ZNF654: variants seen among roughly 807,000 people sequenced by gnomAD.
The protein encoded by ZNF654 is melanoma-associated antigen.
A neutral mutation model predicts 95.3 loss-of-function variants in ZNF654; 19 were observed. That is an observed-to-expected ratio of 0.20 (90% CI 0.14 to 0.29). The LOEUF (loss-of-function observed/expected upper bound fraction) is 0.29, where lower values mean the gene tolerates loss of function less well. Among genes scored for constraint, ZNF654 ranks in the 10% least tolerant of loss-of-function variants. The pLI is 1.00. For synonymous variants in ZNF654, 413 were observed against 457.9 expected (o/e 0.90, Z 1.25); for missense variants, 1,046 against 1,341.0 (o/e 0.78, Z 3.44).
intron 2 of ZNF654, among the ~76,000 whole-genome samples, chr3:88,103,762 C>CTTT (rs56210218): frequency 1.2e-5 from 1 of 83,366 alleles, no homozygotes; most frequent in Admixed American, 1.4e-4. Flanking sequence ...GATGTATTAA[C>CTTT]TTTTTTTTTT....
At chr3:88,141,526 C>T (rs1559739857) in intron 8 of ZNF654, 119 bp from the exon 9 acceptor site, 1 of 629,734 alleles carries the variant, frequency 1.6e-6, no homozygotes, top group Non-Finnish European at 2.4e-6. Context: ...AAGAGCTTGT[C>T]TGTCTACTAA....
chr3:88,107,034 C>T (rs1704785083), intron 2 of ZNF654, among the ~76,000 whole-genome samples: 1 of 152,114 alleles, frequency 6.6e-6, no homozygotes, highest in Non-Finnish European at 1.5e-5. Context: ...TGGCTGGTCC[C>T]TTTTCATTTC....
intron 2 of ZNF654, among the ~76,000 whole-genome samples, chr3:88,094,262 T>C (rs1244589227): frequency 1.3e-5 from 2 of 152,144 alleles, no homozygotes; most frequent in African/African-American, 4.8e-5. Flanking sequence ...TTGTTTGTAT[T>C]GGCCATCGTT....
At chr3:88,077,610 CAG>C (rs975921880) in intron 1 of ZNF654, among the ~76,000 whole-genome samples, 2 of 152,022 alleles carry the variant, frequency 1.3e-5, no homozygotes, top group African/African-American at 4.8e-5. Flanking sequence ...GTGGGAATGT[CAG>C]AAAAATTATA....
chr3:88,139,477 T>C lies in ZNF654; in HGVS notation c.1808T>C (p.Ile603Thr), dbSNP rs1553701031. The change falls in exon 8 of 9, where the codon ATT becomes ACT. Residue 603 changes from isoleucine to threonine, a missense_variant. Ile to Thr is a moderately conservative substitution (Grantham distance 89, BLOSUM62 -1). This residue lies in a region of ZNF654 where 495 missense variants were observed against 537.0 expected (regional missense o/e 0.92). Transcript: ENST00000636215. ...GTTAAGAAGATACAGAGGCAGCAAA[T>C]TGCTGCAGCTCAACAGGATGATCAG... ...NHVKKIQRQQ[I>T]AAAQQDDQEV... 17 of 1,613,742 alleles carry C rather than the reference T, an allele frequency of 1.1e-5. 1 individual carries two copies. In the South Asian group the frequency reaches 1.6e-4, roughly 16 times the overall value.
At chr3:88,121,719 A>C (rs1412320075) in intron 3 of ZNF654, among the ~76,000 whole-genome samples, 1 of 152,182 alleles carries the variant, frequency 6.6e-6, no homozygotes, top group African/African-American at 2.4e-5. Context: ...TCTCATTTCA[A>C]AGTATTATAA....
chr3:88,134,622 T>G (rs1470661544), intron 6 of ZNF654, among the ~76,000 whole-genome samples: 2 of 152,098 alleles, frequency 1.3e-5, no homozygotes, highest in Non-Finnish European at 2.9e-5. Context: ...GTTTTAATCG[T>G]TAGTACTTTT....
intron 2 of ZNF654, among the ~76,000 whole-genome samples, chr3:88,101,593 A>G (rs967301000): frequency 1.3e-5 from 2 of 152,112 alleles, no homozygotes; most frequent in African/African-American, 2.4e-5. Context: ...GCATTCAGCA[A>G]TTGATGGCTA....
At chr3:88,114,420 T>G (rs1445449318) in intron 3 of ZNF654, among the ~76,000 whole-genome samples, 2 of 152,168 alleles carry the variant, frequency 1.3e-5, no homozygotes, top group African/African-American at 4.8e-5. Context: ...AAGGGATATA[T>G]CCTTTATTTT....
Position 88,084,029 on chromosome 3 carries a change from C to T in ZNF654, c.187-2228C>T, listed in dbSNP as rs188756218. Among the ~76,000 whole-genome samples the T allele has an allele frequency of 5.9e-5, 9 of 151,834 alleles. 1 individual carries two copies. Among genetic ancestry groups the T allele is most frequent in the Admixed American group, 3.3e-4 (5 of 15,256 alleles). ...TTATAATGAATTACAGTGCCTGACA[C>T]GACATTAAACAATGTAAAACGGTAT... On this transcript the variant is annotated intron_variant, in intron 1 of 8. Coordinates refer to ENST00000636215, the MANE Select transcript of ZNF654 (RefSeq NM_001350134.2).
intron 1 of ZNF654, among the ~76,000 whole-genome samples, chr3:88,074,871 C>T (rs1217585543): frequency 3.3e-5 from 5 of 152,146 alleles, no homozygotes; most frequent in African/African-American, 1.2e-4. Flanking sequence ...CCAGGCTCAC[C>T]AGTGTGCCAG....
intron 3 of ZNF654, among the ~76,000 whole-genome samples, chr3:88,125,134 G>C (rs1216832963): frequency 2.0e-5 from 3 of 151,426 alleles, no homozygotes; most frequent in Non-Finnish European, 4.4e-5. Flanking sequence ...AGAATCGCTT[G>C]AACCTGGGAG....
chr3:88,059,434 G>C lies in ZNF654; in HGVS notation c.115G>C (p.Gly39Arg), dbSNP rs1706706900. ...GLRAAGDGRGGAGSGNCGGGV... is the reference protein window; with the variant it reads ...GLRAAGDGRGRAGSGNCGGGV... ...TAGAGCTGCGGGCGACGGCAGAGGC[G>C]GCGCTGGCAGCGGCAACTGCGGCGG... The change falls in exon 1 of 9, where the codon GGC becomes CGC. Residue 39 changes from glycine (G) to arginine (R), a missense_variant. Around this residue, in one of 9 missense-constraint regions of ZNF654, gnomAD observed 89 missense variants for 77.9 expected, o/e 1.14. Transcript: ENST00000636215. 2 of 1,523,662 alleles carry C rather than the reference G, an allele frequency of 1.3e-6. No homozygotes were observed. The highest frequency in any genetic ancestry group is 1.7e-6 in the Non-Finnish European group (2 of 1,142,856). The allele number at this position is 1,523,662 out of a possible 1,614,324, so 94.4% of individuals were successfully genotyped here.
intron 2 of ZNF654, among the ~76,000 whole-genome samples, chr3:88,102,617 C>T (rs1704490780): frequency 6.6e-6 from 1 of 152,146 alleles, no homozygotes; most frequent in African/African-American, 2.4e-5. Flanking sequence ...TCTGGCAATT[C>T]AGCCTCTCCT....
At position 88,139,485 on chromosome 3, in the gene ZNF654, G is replaced by A. The variant is rs1706988286; in HGVS notation, c.1816G>A (p.Ala606Thr). 6.2e-7 allele frequency: 1 copy of A among 1,613,618 alleles called. No homozygotes were observed. The highest frequency in any genetic ancestry group is 1.3e-5 in the African/African-American group (1 of 74,922). Residue 606 changes from alanine to threonine, a missense_variant, in exon 8 of 9, where the codon GCT (alanine) becomes ACT (threonine). Coordinates refer to ENST00000636215, the MANE Select transcript of ZNF654 (RefSeq NM_001350134.2). ...KKIQRQQIAA[A>T]QQDDQEVTAL... The stretch of plus-strand genomic sequence containing the variant: ...GATACAGAGGCAGCAAATTGCTGCA[G>A]CTCAACAGGATGATCAGGAAGTCAC...
intron 6 of ZNF654, among the ~76,000 whole-genome samples, chr3:88,132,202 A>G (rs1706505959): frequency 1.3e-5 from 2 of 152,172 alleles, no homozygotes; most frequent in Admixed American, 6.6e-5. Flanking sequence ...AGCCTCTGCT[A>G]TATTAAAATT....
intron 1 of ZNF654, among the ~76,000 whole-genome samples, chr3:88,069,690 T>C (rs1378091217): frequency 6.6e-6 from 1 of 152,222 alleles, no homozygotes; most frequent in African/African-American, 2.4e-5. Context: ...ACCACTGCTT[T>C]GGAAAGTTGA....
At chr3:88,118,782 T>C (rs1004466838) in intron 3 of ZNF654, among the ~76,000 whole-genome samples, 4 of 152,228 alleles carry the variant, frequency 2.6e-5, no homozygotes, top group Non-Finnish European at 4.4e-5. Flanking sequence ...TAATTCTCTC[T>C]TGGGTCTACT....
intron 1 of ZNF654, among the ~76,000 whole-genome samples, chr3:88,069,684 C>A (rs1409779173): frequency 6.6e-6 from 1 of 152,174 alleles, no homozygotes; most frequent in Non-Finnish European, 1.5e-5. Flanking sequence ...GTATTCACCA[C>A]TGCTTTGGAA....
Sources: allele counts gnomAD v4.1 joint callset (sites outside exome capture counted in the v4.1 genomes callset), GRCh38; gene constraint gnomAD v4.1.1; regional missense constraint gnomAD v4.1.1; transcripts MANE v1.5; gene names NCBI Gene and HGNC (gene_info 2026-07-23, HGNC 2026-07-21).